Variants in COL24A1 observed in about 807,000 individuals in gnomAD.
COL24A1 encodes the protein collagen type XXIV alpha 1 chain.
A neutral mutation model predicts 253.9 loss-of-function variants in COL24A1; 224 were observed. The observed-to-expected ratio is 0.88, with a 90% CI of 0.79 to 0.99. The LOEUF is 0.99. COL24A1 is among the 50% of genes least tolerant of loss of function. The pLI is 0.00. For synonymous variants in COL24A1, 685 were observed against 673.7 expected (o/e 1.02, Z -0.26); for missense variants, 2,131 against 2,068.5 (o/e 1.03, Z -0.59).
In COL24A1 at chr1:85,730,809, A is replaced by T. The variant is rs1663401547; in HGVS notation, c.4999-117T>A. 21 of 1,046,264 alleles carry T rather than the reference A, an allele frequency of 2.0e-5. No homozygotes were observed. In the South Asian group the frequency reaches 3.2e-4, roughly 16 times the overall value. The allele number at this position is 1,046,264 out of a possible 1,614,324, so 64.8% of individuals were successfully genotyped here. ...TAAGGATTAGAGATAACGAATAGAA[A>T]GTGCCTAGAACAATGCTCAATAAAT... On this transcript the variant is annotated intron_variant, in intron 59 of 59. Coordinates refer to ENST00000370571, the MANE Select transcript of COL24A1 (RefSeq NM_152890.7).
At position 85,741,068 on chromosome 1, in the gene COL24A1, G is replaced by A. The variant is rs193105912; in HGVS notation, c.4673-3563C>T. Among the ~76,000 whole-genome samples the A allele has an allele frequency of 3.7e-3, 544 of 147,746 alleles. 5 individuals are homozygous for A. Among genetic ancestry groups the A allele is most frequent in the African/African-American group, 0.013 (506 of 40,328 alleles). On this transcript the variant is annotated intron_variant, in intron 57 of 59. Coordinates refer to ENST00000370571, the MANE Select transcript of COL24A1 (RefSeq NM_152890.7). Reference sequence around the variant, plus strand: ...TGGAAGGCGGAGGTTGCAGTGAGCCGAGATCGAGCCACTGCACTCCAGCCT... The same window carrying A: ...TGGAAGGCGGAGGTTGCAGTGAGCCAAGATCGAGCCACTGCACTCCAGCCT...
At position 85,772,443 on chromosome 1, in the gene COL24A1, C is replaced by A. The variant is rs539524661; in HGVS notation, c.4374+3231G>T. On this transcript the variant is annotated intron_variant, in intron 53 of 59. Transcript: ENST00000370571. The stretch of plus-strand genomic sequence containing the variant: ...AACTAGAAATACCATTTGACCCAGC[C>A]ATCCCATTACTGGGTATATACCCAA... Among the ~76,000 whole-genome samples the A allele has an allele frequency of 2.6e-5, 4 of 152,050 alleles. No homozygotes were observed. The South Asian group carries it at 8.3e-4, about 32-fold the overall frequency.
Position 86,066,858 on chromosome 1 carries a change from C to T in COL24A1, c.1708-3099G>A, listed in dbSNP as rs182139454. Among the ~76,000 whole-genome samples the T allele has an allele frequency of 2.9e-3, 447 of 152,226 alleles. 3 individuals are homozygous for T. The highest frequency in any genetic ancestry group is 2.2e-3 in the Non-Finnish European group (147 of 68,012). ...GCAGATATGAGTTACTTCAGGAAGG[C>T]CGGGCGCAATGGCTCACGCCTGTAA... is the stretch of plus-strand genomic sequence containing the variant. On this transcript the variant is annotated intron_variant, in intron 7 of 59. Coordinates refer to ENST00000370571, the MANE Select transcript of COL24A1 (RefSeq NM_152890.7).
chr1:86,105,595 C>G (rs1471103956), intron 5 of COL24A1, among the ~76,000 whole-genome samples: 1 of 152,094 alleles, frequency 6.6e-6, no homozygotes, highest in Non-Finnish European at 1.5e-5. Context: ...CTAAAGTTCC[C>G]CTAGGGGAAC....
intron 43 of COL24A1, among the ~76,000 whole-genome samples, chr1:85,826,849 T>C (rs1674415038): frequency 6.6e-6 from 1 of 152,222 alleles, no homozygotes; most frequent in Non-Finnish European, 1.5e-5. Context: ...GTTTTCTAGA[T>C]ATACAATCAT....
In COL24A1 at chr1:86,000,070, T is replaced by C. The variant is rs561676583; in HGVS notation, c.2311-12416A>G. Reference sequence around the variant, plus strand: ...TCCACCATGCATTAACCTAGGTCTCTAGGCTCTGCTTATATGGTTCACTGT... The same window carrying C: ...TCCACCATGCATTAACCTAGGTCTCCAGGCTCTGCTTATATGGTTCACTGT... On this transcript the variant is annotated intron_variant, in intron 19 of 59. Transcript: ENST00000370571. Among the ~76,000 whole-genome samples the C allele has an allele frequency of 3.2e-4, 48 of 152,326 alleles. No individual in the cohort carries two copies. In the Middle Eastern group the frequency reaches 0.01, roughly 32 times the overall value.
Position 85,734,952 on chromosome 1 carries a change from C to A in COL24A1, c.4795G>T (p.Val1599Phe). Reference protein sequence around the residue: ...PVSVTKLEFGVGKVQMNFLHL... With the variant: ...PVSVTKLEFGFGKVQMNFLHL... The stretch of plus-strand genomic sequence containing the variant: ...AGGAAGTTCATCTGGACTTTCCCAA[C>A]TCCAAACTCCAACTAATGTCATAGA... The change falls in exon 59 of 60, where the codon GTT (valine) becomes TTT (phenylalanine). Residue 1599 changes from valine (V) to phenylalanine (F), a missense_variant. Val to Phe is a conservative substitution (Grantham distance 50). Transcript: ENST00000370571. The A allele has an allele frequency of 1.2e-6, 2 of 1,614,120 alleles. No individual in the cohort carries two copies. Among genetic ancestry groups the A allele is most frequent in the Non-Finnish European group, 1.7e-6 (2 of 1,179,968 alleles).
At chr1:85,908,761 A>G (rs762771253) in intron 26 of COL24A1, 110 bp from the exon 27 acceptor site, 5 of 458,662 alleles carry the variant, frequency 1.1e-5, no homozygotes, top group Non-Finnish European at 1.5e-5. Context: ...ATAATTTGAC[A>G]CAATGTTTCT....
intron 35 of COL24A1, among the ~76,000 whole-genome samples, chr1:85,871,239 T>A (rs1396553525): frequency 6.6e-6 from 1 of 152,060 alleles, no homozygotes; most frequent in Non-Finnish European, 1.5e-5. Flanking sequence ...CAGGACCAGA[T>A]GGATTCACAG....
rs2101007897 is a variant in COL24A1, at chr1:85,996,224, T to G, written c.2311-8570A>C. Among the ~76,000 whole-genome samples, 2 of 152,294 alleles carry G rather than the reference T, an allele frequency of 1.3e-5. 1 individual carries two copies. The highest frequency in any genetic ancestry group is 4.1e-4 in the South Asian group (2 of 4,832). Reference sequence around the variant, plus strand: ...ATCTTTTGAGAGAAAATAGAAATTATTTATTGAACTTGTCCCCAGATAAAA... The same window carrying G: ...ATCTTTTGAGAGAAAATAGAAATTAGTTATTGAACTTGTCCCCAGATAAAA... On this transcript the variant is annotated intron_variant, in intron 19 of 59. Coordinates refer to ENST00000370571, the MANE Select transcript of COL24A1 (RefSeq NM_152890.7).
chr1:86,027,387 T>G (rs1698135363), intron 14 of COL24A1, among the ~76,000 whole-genome samples: 1 of 151,964 alleles, frequency 6.6e-6, no homozygotes, highest in South Asian at 2.1e-4. Context: ...AAAAAAAGGT[T>G]TTTGGGCTGG....
At chr1:86,043,019 G>C (rs1699622074) in intron 12 of COL24A1, among the ~76,000 whole-genome samples, 2 of 151,988 alleles carry the variant, frequency 1.3e-5, no homozygotes, top group Admixed American at 6.6e-5. Flanking sequence ...GTTTTTCATG[G>C]CTATTGCTTT....
At chr1:85,892,417 AC>A (rs1683226700) in intron 31 of COL24A1, among the ~76,000 whole-genome samples, 1 of 152,094 alleles carries the variant, frequency 6.6e-6, no homozygotes, top group African/African-American at 2.4e-5. Context: ...CATTTTATAA[AC>A]AAAAACTAAG....
At position 86,022,286 on chromosome 1, in the gene COL24A1, A is replaced by G; in HGVS notation, c.2210T>C (p.Val737Ala). The G allele has an allele frequency of 6.3e-7, 1 of 1,596,748 alleles. No individual in the cohort carries two copies. The change falls in exon 18 of 60, where the codon GTT becomes GCT. Residue 737 changes from valine to alanine, a missense_variant. By Grantham distance (64) the Val-to-Ala change is moderately conservative (BLOSUM62 0). Transcript: ENST00000370571. ...CATCCCTGGTGGTCCTGGTAAACCAACAGCACCCTAAGAGAAGAGAATAAC... is the reference window on the plus strand; with the variant it reads ...CATCCCTGGTGGTCCTGGTAAACCAGCAGCACCCTAAGAGAAGAGAATAAC... ...EPGYPGDKGA[V>A]GLPGPPGMRG...
Position 85,987,478 on chromosome 1 carries a change from C to A in COL24A1, c.2364+123G>T, listed in dbSNP as rs1693820812. Reference sequence around the variant, plus strand: ...GAAACCTAAAGTTTATTAAATGTACCTGAGACAGCTTAAAAATATCCAGAA... The same window carrying A: ...GAAACCTAAAGTTTATTAAATGTACATGAGACAGCTTAAAAATATCCAGAA... On this transcript the variant is annotated intron_variant, in intron 20 of 59. Coordinates refer to ENST00000370571, the MANE Select transcript of COL24A1 (RefSeq NM_152890.7). 49 of 867,474 alleles carry A rather than the reference C, an allele frequency of 5.6e-5. 1 individual carries two copies. In the South Asian group the frequency reaches 7.6e-4, roughly 13 times the overall value. 53.7% of individuals were successfully genotyped at this position (867,474 alleles called of 1,614,324 possible).
chr1:85,993,364 T>C (rs1336118619), intron 19 of COL24A1, among the ~76,000 whole-genome samples: 3 of 151,468 alleles, frequency 2.0e-5, no homozygotes, highest in African/African-American at 4.9e-5. Flanking sequence ...CTAATTACAA[T>C]ATATCCATAA....
intron 47 of COL24A1, among the ~76,000 whole-genome samples, chr1:85,797,937 A>C (rs374299009): frequency 6.6e-6 from 1 of 152,208 alleles, no homozygotes; most frequent in East Asian, 1.9e-4. Context: ...TCATGCCTGC[A>C]ATCCCAGCAC....
chr1:85,961,869 C>T (rs779531372), intron 23 of COL24A1, among the ~76,000 whole-genome samples: 3 of 152,058 alleles, frequency 2.0e-5, no homozygotes, highest in East Asian at 1.9e-4. Context: ...AATAGCAAGG[C>T]GGAAATAAGC....
At chr1:85,792,169 T>TTTATATTTATATTTCACA (rs1670340761) in intron 47 of COL24A1, among the ~76,000 whole-genome samples, 1 of 152,018 alleles carries the variant, frequency 6.6e-6, no homozygotes, top group Non-Finnish European at 1.5e-5. Flanking sequence ...CAGAAATATG[T>TTTATATTTATATTTCACA]TTTCATATTT....
Sources: allele counts gnomAD v4.1 joint callset (sites outside exome capture counted in the v4.1 genomes callset), GRCh38; gene constraint gnomAD v4.1.1; transcripts MANE v1.5; gene names NCBI Gene and HGNC (gene_info 2026-07-23, HGNC 2026-07-21).